Variants in TENM2 observed in about 807,000 individuals in gnomAD.
The protein encoded by TENM2 is teneurin-2.
In TENM2, 52 loss-of-function variants were observed where a neutral mutation model predicts 245.2. The observed-to-expected ratio is 0.21, with a 90% CI of 0.17 to 0.27. TENM2 has a LOEUF of 0.27. Ranked by LOEUF, TENM2 falls within the 10% of genes least tolerant of loss-of-function variation. The pLI, the probability that TENM2 is intolerant of heterozygous loss-of-function variation, is 1.00. For synonymous variants in TENM2, 1,363 were observed against 1,438.9 expected (o/e 0.95, Z 1.19); for missense variants, 3,046 against 3,666.8 (o/e 0.83, Z 4.37).
intron 4 of TENM2, among the ~76,000 whole-genome samples, chr5:167,956,898 A>G (rs1780602727): frequency 6.6e-6 from 1 of 152,140 alleles, no homozygotes; most frequent in African/African-American, 2.4e-5. Context: ...GGATTTTCGC[A>G]TCGATGTTCA....
the TENM2 span, among the ~76,000 whole-genome samples, chr5:167,179,993 G>A: frequency 6.6e-6 from 1 of 152,174 alleles, no homozygotes; most frequent in African/African-American, 2.4e-5. Context: ...AGCTGGAGAA[G>A]GAGCCAACTT....
chr5:167,181,025 G>T, the TENM2 span, among the ~76,000 whole-genome samples: 1 of 151,994 alleles, frequency 6.6e-6, no homozygotes, highest in South Asian at 2.1e-4. Flanking sequence ...CATTGTTCAA[G>T]GGTCAACTGT....
intron 2 of TENM2, among the ~76,000 whole-genome samples, chr5:167,819,157 C>T (rs962565083): frequency 6.6e-6 from 1 of 152,088 alleles, no homozygotes; most frequent in Non-Finnish European, 1.5e-5. Context: ...TGCACTGAAG[C>T]CCAATTCCCA....
intron 2 of TENM2, among the ~76,000 whole-genome samples, chr5:167,425,926 T>C (rs1422676479): frequency 6.6e-6 from 1 of 152,196 alleles, no homozygotes; most frequent in African/African-American, 2.4e-5. Flanking sequence ...TTGCTGTTAT[T>C]AATGTAGTGT....
the TENM2 span, among the ~76,000 whole-genome samples, chr5:167,125,410 C>T: frequency 6.6e-6 from 1 of 152,182 alleles, no homozygotes; most frequent in Admixed American, 6.5e-5. Context: ...AAGGTTCAGG[C>T]AAGATTCACT....
At chr5:167,327,384 G>A (rs772097295) in intron 1 of TENM2, among the ~76,000 whole-genome samples, 4 of 152,224 alleles carry the variant, frequency 2.6e-5, no homozygotes, top group Non-Finnish European at 4.4e-5. Context: ...AACAAAACAT[G>A]CCTGGCTCTT....
chr5:167,714,515 T>G (rs1211197438), intron 2 of TENM2, among the ~76,000 whole-genome samples: 5 of 152,324 alleles, frequency 3.3e-5, no homozygotes, highest in African/African-American at 1.2e-4. Flanking sequence ...GAATCCTGCC[T>G]TCTTGTTTTG....
chr5:167,006,653 CT>C, the TENM2 span, among the ~76,000 whole-genome samples: 181 of 149,272 alleles, frequency 1.2e-3, no homozygotes, highest in African/African-American at 3.1e-3. Flanking sequence ...CATATTCCAT[CT>C]TTTTTTTTTC....
intron 2 of TENM2, among the ~76,000 whole-genome samples, chr5:167,506,375 A>G (rs1769549418): frequency 6.6e-6 from 1 of 152,192 alleles, no homozygotes. Flanking sequence ...GGCTCTATGA[A>G]TAACAGGGAG....
At chr5:167,195,905 G>T in the TENM2 span, among the ~76,000 whole-genome samples, 1 of 151,680 alleles carries the variant, frequency 6.6e-6, no homozygotes, top group East Asian at 1.9e-4. Context: ...ATTTTTTATT[G>T]TAAAAATGTT....
the TENM2 span, among the ~76,000 whole-genome samples, chr5:167,079,123 T>C: frequency 1.3e-5 from 2 of 152,034 alleles, no homozygotes; most frequent in Admixed American, 1.3e-4. Context: ...AAGAAAGTGC[T>C]ATTAGTGTTC....
chr5:168,181,025 C>T (rs556210102), intron 13 of TENM2, among the ~76,000 whole-genome samples: 22 of 152,304 alleles, frequency 1.4e-4, no homozygotes, highest in African/African-American at 4.3e-4. Context: ...CCTTCAGCAA[C>T]GCTGGTTTAA....
intron 2 of TENM2, among the ~76,000 whole-genome samples, chr5:167,753,883 T>C (rs2150662868): frequency 6.6e-6 from 1 of 152,270 alleles, no homozygotes; most frequent in Non-Finnish European, 1.5e-5. Flanking sequence ...CAGAGGTGCC[T>C]TCCTGCAGGT....
intron 27 of TENM2, among the ~76,000 whole-genome samples, chr5:168,254,889 A>G (rs1409875016): frequency 6.6e-6 from 1 of 152,082 alleles, no homozygotes; most frequent in African/African-American, 2.4e-5. Flanking sequence ...TCTACTAAAA[A>G]TACAAAAATT....
At chr5:167,861,861 A>G (rs1017722840) in intron 2 of TENM2, among the ~76,000 whole-genome samples, 1 of 152,226 alleles carries the variant, frequency 6.6e-6, no homozygotes, top group African/African-American at 2.4e-5. Context: ...AACAGGGCTT[A>G]CTCTTGCCAA....
chr5:168,219,824 C>CAAAAAAAAAAAAAAAAAAAA (rs70976468), intron 23 of TENM2, among the ~76,000 whole-genome samples: 1 of 49,822 alleles, frequency 2.0e-5, no homozygotes, highest in Non-Finnish European at 3.4e-5. Context: ...GTTGGCACAG[C>CAAAAAAAAAAAAAAAAAAAA]AAAAAAAAAA....
At chr5:167,087,649 G>C in the TENM2 span, among the ~76,000 whole-genome samples, 1 of 152,286 alleles carries the variant, frequency 6.6e-6, no homozygotes, top group African/African-American at 2.4e-5. Context: ...GATTCACGGA[G>C]CTTAGAATCT....
chr5:168,244,992 T>C lies in TENM2; in HGVS notation c.5817+276T>C, dbSNP rs1766420416. Among the ~76,000 whole-genome samples the C allele has an allele frequency of 6.6e-6, 1 of 152,072 alleles. No individual in the cohort carries two copies. The highest frequency in any genetic ancestry group is 2.1e-4 in the South Asian group (1 of 4,826). ...CACATTGGCCAGGCTGGTCTCGAAT[T>C]CCTGACCTCAGGTGATCGCCCACCT... On this transcript the variant is annotated intron_variant, in intron 26 of 28. Coordinates refer to ENST00000518659, the Ensembl canonical transcript of TENM2. This position sits in a 1 kb window ranked among gnomAD's most constrained non-coding sequence, Gnocchi z 4.9.
the TENM2 span, among the ~76,000 whole-genome samples, chr5:167,228,268 G>T: frequency 6.6e-6 from 1 of 151,784 alleles, no homozygotes; most frequent in Non-Finnish European, 1.5e-5. Context: ...GACCTCAAGT[G>T]ATCTGCCCAT....
Sources: allele counts gnomAD v4.1 joint callset (sites outside exome capture counted in the v4.1 genomes callset), GRCh38; gene constraint gnomAD v4.1.1; non-coding constraint Gnocchi (gnomAD v3.1); transcripts MANE v1.5; gene names NCBI Gene and HGNC (gene_info 2026-07-23, HGNC 2026-07-21).